The following LTO1 variants were observed in gnomAD, a reference collection of about 807,000 sequenced individuals.
LTO1 encodes LTO1 maturation factor of ABCE1, also known as protein LTO1 homolog.
A neutral mutation model predicts 19.8 loss-of-function variants in LTO1; 18 were observed. The observed-to-expected ratio is 0.91, with a 90% CI of 0.63 to 1.35. The LOEUF (loss-of-function observed/expected upper bound fraction) is 1.35, where lower values mean the gene tolerates loss of function less well. Among genes scored for constraint, LTO1 ranks in the 40% most tolerant of loss-of-function variants. The probability of loss-of-function intolerance (pLI) is 0.00; values close to 1 mark genes in which losing one functional copy is unlikely to be tolerated. For missense variants in LTO1, 175 were observed against 167.9 expected, an observed-to-expected ratio of 1.04 and a Z score of -0.23; for synonymous variants, 59 against 59.6, an observed-to-expected ratio of 0.99 and a Z score of 0.05.
At chr11:69,670,442 T>G (rs1038737549) in intron 3 of LTO1, among the ~76,000 whole-genome samples, 2 of 152,188 alleles carry the variant, frequency 1.3e-5, no homozygotes, top group African/African-American at 4.8e-5. Flanking sequence ...CAACAGCGAT[T>G]CCCCTGGGAT....
chr11:69,668,063 A>C, intron 3 of LTO1, 51 bp from the exon 4 acceptor site: 5 of 868,636 alleles, frequency 5.8e-6, no homozygotes, highest in African/African-American at 1.6e-5. Context: ...CAACAGGCTC[A>C]ACTTACACAA....
rs1038997259 is a variant in LTO1, at chr11:69,675,321, T to C, written c.-82A>G. On this transcript the variant is annotated 5_prime_UTR_variant, in exon 1 of 5. Coordinates refer to ENST00000279147, the MANE Select transcript of LTO1 (RefSeq NM_153451.3). ...CAGACCCGGCAGCTTCAGGCACAAA[T>C]GCTCCGCTTGGGAGGAGACGAGACC... is the stretch of plus-strand genomic sequence containing the variant. 129 of 1,172,140 alleles carry C rather than the reference T, an allele frequency of 1.1e-4. 2 individuals are homozygous for C. The highest frequency in any genetic ancestry group is 7.2e-4 in the South Asian group (43 of 59,914). 72.6% of individuals were successfully genotyped at this position (1,172,140 alleles called of 1,614,324 possible).
rs1459099772 is a variant in LTO1, at chr11:69,667,980, C to A, written c.260G>T (p.Gly87Val). The A allele has an allele frequency of 1.3e-6, 2 of 1,575,538 alleles. No individual in the cohort carries two copies. The highest frequency in any genetic ancestry group is 1.7e-5 in the Admixed American group (1 of 59,974). The stretch of plus-strand genomic sequence containing the variant: ...ATCATAAGGGAATTTCTGGATCATT[C>A]CAATCAATGATTCTAAGACCTTCAT... ...RKMKVLESLIGMIQKFPYDDP... is the reference protein window; with the variant it reads ...RKMKVLESLIVMIQKFPYDDP... The change falls in exon 4 of 5, where the codon GGA becomes GTA. Residue 87 changes from glycine (G) to valine (V), a missense_variant. Physicochemically the swap from Gly to Val is moderately radical, Grantham distance 109. Coordinates refer to ENST00000279147, the MANE Select transcript of LTO1 (RefSeq NM_153451.3).
At chr11:69,673,173 G>A (rs781657995) in intron 2 of LTO1, 43 bp downstream of exon 2, 1 of 1,015,894 alleles carries the variant, frequency 9.8e-7, no homozygotes, top group Non-Finnish European at 1.6e-6. Flanking sequence ...ATTATAAATT[G>A]TAAATGAAGA....
At chr11:69,668,305 G>A (rs1421402179) in intron 3 of LTO1, 1 of 320,222 alleles carries the variant, frequency 3.1e-6, no homozygotes, top group Non-Finnish European at 5.9e-6. Flanking sequence ...GACTCTCGAG[G>A]TCACACATGC....
intron 3 of LTO1, 91 bp downstream of exon 3, chr11:69,671,654 AACAG>A: frequency 1.3e-5 from 10 of 762,058 alleles, no homozygotes; most frequent in Non-Finnish European, 2.2e-5. Context: ...ACAGATGAGG[AACAG>A]ACAGATTGAT....
intron 3 of LTO1, chr11:69,671,263 G>A (rs1212434299): frequency 1.3e-5 from 2 of 155,566 alleles, no homozygotes; most frequent in Admixed American, 6.3e-5. Context: ...GTGTTGACAA[G>A]TTCCAGAAAG....
chr11:69,674,994 C>A (rs772267653), intron 1 of LTO1, 196 bp downstream of exon 1: 2 of 694,890 alleles, frequency 2.9e-6, no homozygotes, highest in African/African-American at 3.5e-5. Flanking sequence ...GCACGTGCCC[C>A]GCCGGAGCGG....
intron 3 of LTO1, among the ~76,000 whole-genome samples, chr11:69,670,436 A>C (rs2119843451): frequency 6.6e-6 from 1 of 152,346 alleles, no homozygotes; most frequent in Admixed American, 6.5e-5. Context: ...GGCTGCCAAC[A>C]GCGATTCCCC....
chr11:69,673,419 A>C (rs1013820557), intron 1 of LTO1, 98 bp from the exon 2 acceptor site: 8 of 784,644 alleles, frequency 1.0e-5, no homozygotes, highest in Admixed American at 2.2e-5. Context: ...CAGTAAGACA[A>C]ACCAGAGTAA....
Position 69,675,317 on chromosome 11 carries a change from C to A in LTO1, c.-78G>T. On this transcript the variant is annotated 5_prime_UTR_variant, in exon 1 of 5. Transcript: ENST00000279147. The stretch of plus-strand genomic sequence containing the variant: ...GTAGCAGACCCGGCAGCTTCAGGCA[C>A]AAATGCTCCGCTTGGGAGGAGACGA... 1 of 1,201,008 alleles carries A rather than the reference C, an allele frequency of 8.3e-7. No homozygotes were observed. Among genetic ancestry groups the A allele is most frequent in the Non-Finnish European group, 1.1e-6 (1 of 880,900 alleles). The allele number at this position is 1,201,008 out of a possible 1,614,324, so 74.4% of individuals were successfully genotyped here.
chr11:69,674,992 C>T (rs762049949), intron 1 of LTO1, 198 bp downstream of exon 1: 3 of 694,182 alleles, frequency 4.3e-6, no homozygotes, highest in South Asian at 1.5e-5. Context: ...GGGCACGTGC[C>T]CCGCCGGAGC....
At chr11:69,667,764 C>T (rs1304066487) in intron 4 of LTO1, 131 bp downstream of exon 4, 5 of 713,952 alleles carry the variant, frequency 7.0e-6, no homozygotes, top group African/African-American at 1.8e-5. Context: ...AAGGATGAGG[C>T]GCCTCTACGG....
At chr11:69,674,479 T>C in intron 1 of LTO1, 1 of 327,130 alleles carries the variant, frequency 3.1e-6, no homozygotes, top group South Asian at 2.5e-5. Context: ...CCCCACTTAA[T>C]AGTTGTGTGA....
In LTO1 at chr11:69,667,564, C is replaced by T; in HGVS notation, c.369G>A (p.Gln123=). 6.2e-7 allele frequency: 1 copy of T among 1,611,392 alleles called. No homozygotes were observed. The highest frequency in any genetic ancestry group is 8.5e-7 in the Non-Finnish European group (1 of 1,177,496). ...FKQFCSLLNV[Q]PDFKISAEGS... ...CTTCTGCACTAATTTTAAAGTCTGG[C>T]TGAACATTGAGTAACGAACAAAACT... The change falls in exon 5 of 5, where the codon CAG becomes CAA. Residue 123 remains glutamine, a synonymous_variant. Transcript: ENST00000279147.
At position 69,671,107 on chromosome 11, in the gene LTO1, G is replaced by A. The variant is rs190954389; in HGVS notation, c.227+642C>T. Among the ~76,000 whole-genome samples, 579 of 152,152 alleles carry A rather than the reference G, an allele frequency of 3.8e-3. 3 individuals are homozygous for A. Among genetic ancestry groups the A allele is most frequent in the Non-Finnish European group, 5.9e-3 (401 of 68,006 alleles). ...GTAGAGACAGGGTTTCACCATATTG[G>A]CCAGGCTGGTCTCGAACTCTTGATC... On this transcript the variant is annotated intron_variant, in intron 3 of 4. Transcript: ENST00000279147.
chr11:69,672,313 T>G lies in LTO1; in HGVS notation c.157-494A>C, dbSNP rs145676776. ...GGTGACACGGCTCTGGCTGACACCCTGAGCCAGGACCACCCAGCAAAGCTG... is the reference window on the plus strand; with the variant it reads ...GGTGACACGGCTCTGGCTGACACCCGGAGCCAGGACCACCCAGCAAAGCTG... On this transcript the variant is annotated intron_variant, in intron 2 of 4. Transcript: ENST00000279147. 415 of 164,994 alleles carry G rather than the reference T, an allele frequency of 2.5e-3. 5 individuals carry two copies. Among genetic ancestry groups the G allele is most frequent in the African/African-American group, 9.2e-3 (388 of 42,028 alleles). The allele number at this position is 164,994 out of a possible 1,614,324, so 10.2% of individuals were successfully genotyped here. A position where few individuals can be genotyped will look rare whatever the true frequency, so the allele number is the denominator to read the frequency against.
At chr11:69,671,527 A>G (rs1856108560) in intron 3 of LTO1, 3 of 511,524 alleles carry the variant, frequency 5.9e-6, no homozygotes, top group Middle Eastern at 5.3e-4. Flanking sequence ...ACTCTTGAGA[A>G]GCAACAACAG....
chr11:69,675,143 G>C, intron 1 of LTO1, 47 bp downstream of exon 1: 4 of 1,566,832 alleles, frequency 2.6e-6, no homozygotes, highest in Non-Finnish European at 3.5e-6. Context: ...GAAGCCGCTG[G>C]GAGACGACCA....
Sources: gnomAD v4.1 joint callset for allele counts (sites outside exome capture counted in the v4.1 genomes callset) on GRCh38, gnomAD v4.1.1 for gene constraint, MANE v1.5 for transcripts, NCBI Gene and HGNC (gene_info 2026-07-23, HGNC 2026-07-21) for gene names.